Variants in TMED3 observed in about 807,000 individuals in gnomAD.
TMED3 encodes the protein transmembrane emp24 domain-containing protein 3.
A neutral mutation model predicts 15.0 loss-of-function variants in TMED3; 9 were observed. The ratio of observed to expected loss-of-function variants is 0.60; its 90% CI spans 0.36 to 1.04. The LOEUF is 1.04. TMED3 is among the 50% of genes least tolerant of loss of function. TMED3 has a pLI of 0.01. For synonymous variants in TMED3, 117 were observed against 121.4 expected, an observed-to-expected ratio of 0.96 and a Z score of 0.24; for missense variants, 267 against 278.9, an observed-to-expected ratio of 0.96 and a Z score of 0.30.
At chr15:79,317,682 T>G (rs947938397) in intron 2 of TMED3, among the ~76,000 whole-genome samples, 3 of 152,218 alleles carry the variant, frequency 2.0e-5, no homozygotes, top group African/African-American at 7.2e-5. Context: ...TACACTTATG[T>G]GTGTGTCTCC....
chr15:79,348,658 A>G (rs1408270193), intron 2 of TMED3, among the ~76,000 whole-genome samples: 2 of 152,240 alleles, frequency 1.3e-5, no homozygotes, highest in Non-Finnish European at 2.9e-5. Context: ...GGTAGAAAGT[A>G]TACATGTACC....
chr15:79,311,485 GC>G (rs889219985), intron 1 of TMED3, 68 bp downstream of exon 1: 1 of 1,508,724 alleles, frequency 6.6e-7, no homozygotes, highest in African/African-American at 1.4e-5. Flanking sequence ...ACACTGGCTA[GC>G]CCCTGACTGG....
intron 2 of TMED3, among the ~76,000 whole-genome samples, chr15:79,354,575 T>C (rs1227606538): frequency 6.7e-6 from 1 of 150,332 alleles, no homozygotes; most frequent in Non-Finnish European, 1.5e-5. Context: ...TGGTCTCTTG[T>C]GCCTAAGTTC....
At chr15:79,330,880 A>G (rs1375381719) in intron 2 of TMED3, among the ~76,000 whole-genome samples, 1 of 152,254 alleles carries the variant, frequency 6.6e-6, no homozygotes, top group Non-Finnish European at 1.5e-5. Context: ...ATTAATCTAC[A>G]TATCTATAGC....
At chr15:79,318,551 C>A (rs146834163) in intron 2 of TMED3, among the ~76,000 whole-genome samples, 2 of 152,266 alleles carry the variant, frequency 1.3e-5, no homozygotes, top group African/African-American at 4.8e-5. Flanking sequence ...AAATACAGAA[C>A]GGATTTGTGT....
intron 2 of TMED3, among the ~76,000 whole-genome samples, chr15:79,363,761 T>C (rs1441298596): frequency 2.6e-5 from 4 of 152,232 alleles, no homozygotes; most frequent in Non-Finnish European, 4.4e-5. Context: ...TCTAAACTCC[T>C]TTCCATTGTT....
intron 2 of TMED3, among the ~76,000 whole-genome samples, chr15:79,335,325 A>G (rs918868405): frequency 1.3e-5 from 2 of 152,222 alleles, no homozygotes; most frequent in African/African-American, 2.4e-5. Context: ...AGTTTCATCA[A>G]ACAAACAAAC....
intron 2 of TMED3, among the ~76,000 whole-genome samples, chr15:79,362,931 A>C (rs540251710): frequency 7.2e-5 from 11 of 152,220 alleles, no homozygotes; most frequent in African/African-American, 2.7e-4. Flanking sequence ...AAACATTCTA[A>C]AAACAAAAAA....
chr15:79,381,368 G>A (rs1004220990), intron 2 of TMED3, among the ~76,000 whole-genome samples: 2 of 152,176 alleles, frequency 1.3e-5, no homozygotes, highest in Non-Finnish European at 2.9e-5. Flanking sequence ...AGAAGCTAAG[G>A]TGAATGTCTC....
intron 2 of TMED3, among the ~76,000 whole-genome samples, chr15:79,349,928 C>G (rs1011535191): frequency 6.6e-6 from 1 of 152,228 alleles, no homozygotes; most frequent in Non-Finnish European, 1.5e-5. Flanking sequence ...ATGCCACTCA[C>G]TTACTCTGTA....
chr15:79,329,751 T>C (rs1323019530), intron 2 of TMED3, among the ~76,000 whole-genome samples: 2 of 152,214 alleles, frequency 1.3e-5, no homozygotes, highest in Non-Finnish European at 2.9e-5. Flanking sequence ...AGCCCCCGAA[T>C]GTTCTTCCTG....
At chr15:79,324,353 T>G (rs191964437), downstream of TMED3, among the ~76,000 whole-genome samples, 1 of 152,206 alleles carries the variant, frequency 6.6e-6, no homozygotes, top group Non-Finnish European at 1.5e-5. Flanking sequence ...CATTTTGAAA[T>G]TGAAGATTTT....
chr15:79,331,068 C>T (rs2058806427), intron 2 of TMED3, among the ~76,000 whole-genome samples: 2 of 152,162 alleles, frequency 1.3e-5, no homozygotes. Flanking sequence ...ATGGTGAAAG[C>T]AGGAGTATGA....
chr15:79,322,788 G>A lies in TMED3; in HGVS notation c.*574G>A. The stretch of plus-strand genomic sequence containing the variant: ...CCCTTGGTGAGCTGTGTATTTCCTA[G>A]GAGGTAGAAAACTGTGGGAAACTGT... On this transcript the variant is annotated 3_prime_UTR_variant, in exon 3 of 3. Transcript: ENST00000299705. The A allele has an allele frequency of 1.0e-6, 1 of 985,312 alleles. No individual in the cohort carries two copies. Among genetic ancestry groups the A allele is most frequent in the Non-Finnish European group, 1.2e-6 (1 of 829,920 alleles). 61.0% of individuals were successfully genotyped at this position (985,312 alleles called of 1,614,324 possible).
At chr15:79,360,592 A>G (rs11632960) in intron 2 of TMED3, among the ~76,000 whole-genome samples, 62,172 of 152,122 alleles carry the variant, frequency 0.41, 12,817 homozygotes, top group African/African-American at 0.44. Flanking sequence ...TCACTGTAAA[A>G]CAGACATCTT....
At chr15:79,358,147 C>T (rs1292138549) in intron 2 of TMED3, among the ~76,000 whole-genome samples, 1 of 152,174 alleles carries the variant, frequency 6.6e-6, no homozygotes, top group Non-Finnish European at 1.5e-5. Context: ...TCGTTGTCTT[C>T]CATCAGAGGC....
intron 2 of TMED3, among the ~76,000 whole-genome samples, chr15:79,320,208 G>A (rs2058760148): frequency 6.6e-6 from 1 of 152,180 alleles, no homozygotes; most frequent in Admixed American, 6.5e-5. Flanking sequence ...CCCTGTCCAG[G>A]CATAACAGAA....
chr15:79,313,745 T>C lies in TMED3; in HGVS notation c.169-12T>C. ...GCTCCTTTGATAACAGCAATTTTTTTATGGTTGTCAGGTCATCACTGGAGG... is the reference window on the plus strand; with the variant it reads ...GCTCCTTTGATAACAGCAATTTTTTCATGGTTGTCAGGTCATCACTGGAGG... On this transcript the variant is annotated splice_polypyrimidine_tract_variant and intron_variant, in intron 1 of 2. Transcript: ENST00000299705. 2 of 1,605,948 alleles carry C rather than the reference T, an allele frequency of 1.2e-6. No homozygotes were observed. The highest frequency in any genetic ancestry group is 1.7e-6 in the Non-Finnish European group (2 of 1,173,904).
At chr15:79,357,236 G>T (rs943935507) in intron 2 of TMED3, among the ~76,000 whole-genome samples, 19 of 151,704 alleles carry the variant, frequency 1.3e-4, no homozygotes, top group African/African-American at 4.4e-4. Context: ...TATAATCCTG[G>T]CATTTTGGGA....
Sources: allele counts gnomAD v4.1 joint callset (sites outside exome capture counted in the v4.1 genomes callset), GRCh38; gene constraint gnomAD v4.1.1; transcripts MANE v1.5; gene names NCBI Gene and HGNC (gene_info 2026-07-23, HGNC 2026-07-21).